NALF1: variants seen among roughly 807,000 people sequenced by gnomAD.
NALF1 encodes NALCN channel auxiliary factor 1.
NALF1 carries 3 observed loss-of-function variants against 48.4 expected under a neutral mutation model. The ratio of observed to expected loss-of-function variants is 0.06; its 90% CI spans 0.03 to 0.16. The LOEUF (loss-of-function observed/expected upper bound fraction) is 0.16. NALF1 is among the 10% of genes least tolerant of loss of function. The pLI is 1.00. For missense variants in NALF1, 526 were observed against 571.5 expected (o/e 0.92, Z 0.81); for synonymous variants, 262 against 245.7 (o/e 1.07, Z -0.62).
At chr13:107,308,613 A>G (rs1224264003) in intron 1 of NALF1, among the ~76,000 whole-genome samples, 1 of 152,202 alleles carries the variant, frequency 6.6e-6, no homozygotes, top group Non-Finnish European at 1.5e-5. Context: ...TGAATTACAA[A>G]TAGACTGTCT....
chr13:107,777,331 C>T (rs1274825597), intron 1 of NALF1, among the ~76,000 whole-genome samples: 4 of 151,996 alleles, frequency 2.6e-5, no homozygotes, highest in African/African-American at 7.3e-5. Context: ...CTTTATCAGC[C>T]GATAGCTAAG....
At chr13:107,472,050 A>AT (rs1885109351) in intron 1 of NALF1, among the ~76,000 whole-genome samples, 1 of 152,124 alleles carries the variant, frequency 6.6e-6, no homozygotes. Context: ...CTTCAGATAT[A>AT]GCCAGGCGCA....
At chr13:107,248,984 CAT>C (rs1172327104) in intron 1 of NALF1, among the ~76,000 whole-genome samples, 1 of 150,752 alleles carries the variant, frequency 6.6e-6, no homozygotes, top group South Asian at 2.1e-4. Flanking sequence ...ATATACACAA[CAT>C]ATATATATGT....
At chr13:107,565,064 G>GC (rs1425173495) in intron 1 of NALF1, among the ~76,000 whole-genome samples, 1 of 13,424 alleles carries the variant, frequency 7.4e-5, no homozygotes. Flanking sequence ...GGTGATATCT[G>GC]CAAAAAAAAA....
At chr13:107,756,873 T>C (rs1443536664) in intron 1 of NALF1, among the ~76,000 whole-genome samples, 2 of 152,200 alleles carry the variant, frequency 1.3e-5, no homozygotes, top group Non-Finnish European at 2.9e-5. Flanking sequence ...TTTAAGGATA[T>C]GATTTTGTTG....
At chr13:107,470,366 G>A (rs573047486) in intron 1 of NALF1, among the ~76,000 whole-genome samples, 63 of 152,278 alleles carry the variant, frequency 4.1e-4, no homozygotes, top group Non-Finnish European at 8.1e-4. Context: ...CAGAACATAA[G>A]TCTCATCTAT....
chr13:107,639,332 T>C (rs988315438), intron 1 of NALF1, among the ~76,000 whole-genome samples: 3 of 152,002 alleles, frequency 2.0e-5, no homozygotes, highest in African/African-American at 7.2e-5. Flanking sequence ...AACGCATCTC[T>C]CAACAAACTC....
chr13:107,283,168 T>A (rs1231052599), intron 1 of NALF1, among the ~76,000 whole-genome samples: 1 of 152,198 alleles, frequency 6.6e-6, no homozygotes, highest in Non-Finnish European at 1.5e-5. Flanking sequence ...GTGAATTGTC[T>A]GGCTGGCTGT....
At chr13:107,318,986 T>G (rs1011133207) in intron 1 of NALF1, among the ~76,000 whole-genome samples, 1 of 152,128 alleles carries the variant, frequency 6.6e-6, no homozygotes, top group Non-Finnish European at 1.5e-5. Flanking sequence ...TGTTTCTACA[T>G]AGACGTATGA....
At chr13:107,665,921 C>T (rs1272753514) in intron 1 of NALF1, among the ~76,000 whole-genome samples, 1 of 152,106 alleles carries the variant, frequency 6.6e-6, no homozygotes, top group Non-Finnish European at 1.5e-5. Context: ...GGGAATTTAA[C>T]CATATCAATG....
intron 1 of NALF1, among the ~76,000 whole-genome samples, chr13:107,505,727 G>C (rs1289594494): frequency 6.6e-6 from 1 of 152,194 alleles, no homozygotes; most frequent in African/African-American, 2.4e-5. Context: ...AGATGGTCAA[G>C]AGAGCTTCAT....
intron 1 of NALF1, among the ~76,000 whole-genome samples, chr13:107,728,526 C>T (rs1876220854): frequency 6.8e-6 from 1 of 147,572 alleles, no homozygotes; most frequent in Non-Finnish European, 1.5e-5. Context: ...ACACCGGGGT[C>T]TGTCAGGGGG....
chr13:107,817,984 T>C (rs992789759), intron 1 of NALF1, among the ~76,000 whole-genome samples: 9 of 152,202 alleles, frequency 5.9e-5, no homozygotes, highest in Admixed American at 3.3e-4. Context: ...GGCAAGCTCT[T>C]TGCTTTCAAG....
At chr13:107,315,070 TTTAAA>T (rs1882120137) in intron 1 of NALF1, among the ~76,000 whole-genome samples, 1 of 152,250 alleles carries the variant, frequency 6.6e-6, no homozygotes, top group African/African-American at 2.4e-5. Context: ...CAGCCCTCAC[TTTAAA>T]TTAAATTCAA....
At chr13:107,611,124 A>C (rs901430454) in intron 1 of NALF1, among the ~76,000 whole-genome samples, 4 of 152,110 alleles carry the variant, frequency 2.6e-5, no homozygotes, top group Admixed American at 6.6e-5. Context: ...TAATTATTTC[A>C]TTTTGTTCCC....
chr13:107,677,623 ACTT>A (rs1400592543), intron 1 of NALF1, among the ~76,000 whole-genome samples: 2 of 152,222 alleles, frequency 1.3e-5, no homozygotes, highest in African/African-American at 4.8e-5. Flanking sequence ...CATTAAAATC[ACTT>A]CTTATGAGAA....
intron 1 of NALF1, among the ~76,000 whole-genome samples, chr13:107,608,899 C>T (rs912044864): frequency 2.6e-5 from 4 of 152,164 alleles, no homozygotes; most frequent in African/African-American, 4.8e-5. Flanking sequence ...GTGGGTTCCA[C>T]GCACTCAGCA....
At chr13:107,748,742 A>G (rs1876850305) in intron 1 of NALF1, among the ~76,000 whole-genome samples, 1 of 152,248 alleles carries the variant, frequency 6.6e-6, no homozygotes, top group African/African-American at 2.4e-5. Flanking sequence ...GCATATGGAA[A>G]TGCATGTACT....
chr13:107,683,490 A>T (rs1037421664), intron 1 of NALF1, among the ~76,000 whole-genome samples: 19 of 152,232 alleles, frequency 1.2e-4, no homozygotes, highest in African/African-American at 4.6e-4. Context: ...TAGAATCTAC[A>T]TGTAAAGATG....
Sources: gnomAD v4.1 joint callset for allele counts (sites outside exome capture counted in the v4.1 genomes callset) on GRCh38, gnomAD v4.1.1 for gene constraint, MANE v1.5 for transcripts, NCBI Gene and HGNC (gene_info 2026-07-23, HGNC 2026-07-21) for gene names.